The following IL31RA variants were observed in gnomAD, a reference collection of about 807,000 sequenced individuals.
IL31RA encodes interleukin 31 receptor A.
In IL31RA, 66 loss-of-function variants were observed where a neutral mutation model predicts 83.7. That is an observed-to-expected ratio of 0.79 (90% CI 0.65 to 0.97). The LOEUF (loss-of-function observed/expected upper bound fraction) is 0.97. IL31RA is among the 50% of genes least tolerant of loss of function. The pLI is 0.00. For synonymous variants in IL31RA, 325 were observed against 329.0 expected (o/e 0.99, Z 0.13); for missense variants, 798 against 919.4 (o/e 0.87, Z 1.71).
At chr5:55,898,041 CT>C (rs1483603203) in intron 7 of IL31RA, among the ~76,000 whole-genome samples, 1 of 152,214 alleles carries the variant, frequency 6.6e-6, no homozygotes, top group Admixed American at 6.5e-5. Flanking sequence ...GGAGGCGGTG[CT>C]GCCGCCGCAT....
chr5:55,922,260 C>A lies in IL31RA; in HGVS notation c.*5140C>A. On this transcript the variant is annotated 3_prime_UTR_variant, in exon 15 of 15. Coordinates refer to ENST00000652347, the MANE Select transcript of IL31RA (RefSeq NM_139017.7). ...TGCTGCCCAAGACGCTTGTCGTGTGCTGATGAAAAGGGCTGGGGAGAAGCA... is the reference window on the plus strand; with the variant it reads ...TGCTGCCCAAGACGCTTGTCGTGTGATGATGAAAAGGGCTGGGGAGAAGCA... The A allele has an allele frequency of 1.4e-6, 1 of 735,966 alleles. No homozygotes were observed. The allele number at this position is 735,966 out of a possible 1,614,324, so 45.6% of individuals were successfully genotyped here. A position where few individuals can be genotyped will look rare whatever the true frequency, so the allele number is the denominator to read the frequency against.
intron 1 of IL31RA, among the ~76,000 whole-genome samples, chr5:55,854,282 C>T (rs973150186): frequency 1.3e-5 from 2 of 152,188 alleles, no homozygotes; most frequent in Non-Finnish European, 1.5e-5. Context: ...AGTCATCTGA[C>T]AGCTCGCAAT....
intron 2 of IL31RA, among the ~76,000 whole-genome samples, chr5:55,861,167 G>T (rs1745656911): frequency 6.6e-6 from 1 of 152,230 alleles, no homozygotes; most frequent in Non-Finnish European, 1.5e-5. Context: ...GTACTAATTG[G>T]GGTCACCAAG....
chr5:55,875,872 A>G (rs899963986), intron 4 of IL31RA, among the ~76,000 whole-genome samples: 9 of 152,208 alleles, frequency 5.9e-5, no homozygotes, highest in Non-Finnish European at 1.3e-4. Context: ...GAATTATAAA[A>G]TTAAACTCTG....
chr5:55,879,018 A>C (rs912497195), intron 4 of IL31RA, among the ~76,000 whole-genome samples: 9 of 152,056 alleles, frequency 5.9e-5, no homozygotes, highest in African/African-American at 1.9e-4. Flanking sequence ...GATTTTATAT[A>C]ATTTATTGTA....
intron 1 of IL31RA, among the ~76,000 whole-genome samples, chr5:55,854,466 C>G (rs550633266): frequency 6.6e-6 from 1 of 151,924 alleles, no homozygotes; most frequent in African/African-American, 2.4e-5. Context: ...ATATGCAGGC[C>G]GGGCAAAGTG....
rs1414368956 is a variant in IL31RA, at chr5:55,920,177, G to A, written c.*3057G>A. On this transcript the variant is annotated 3_prime_UTR_variant, in exon 15 of 15. Coordinates refer to ENST00000652347, the MANE Select transcript of IL31RA (RefSeq NM_139017.7). ...CTGGAGGAGGCAGGAGATGGGGAGA[G>A]ATGAAAAAGGAGAGGCCCACAGTAT... Among the ~76,000 whole-genome samples the A allele has an allele frequency of 1.3e-5, 2 of 152,216 alleles. No homozygotes were observed. Among genetic ancestry groups the A allele is most frequent in the African/African-American group, 2.4e-5 (1 of 41,468 alleles).
At position 55,908,271 on chromosome 5, in the gene IL31RA, C is replaced by G. The variant is rs745508877; in HGVS notation, c.1361C>G (p.Ser454Ter). Reference sequence around the variant, plus strand: ...ATCCCTCTGTCCTTTCCAGTTCCATCAGAAGGTCCTGAGACCAAGGTGGAG... The same window carrying G: ...ATCCCTCTGTCCTTTCCAGTTCCATGAGAAGGTCCTGAGACCAAGGTGGAG... ...IQAYAKEGVP[S>*]EGPETKVENI... Residue 454 changes from serine to a stop codon, truncating the protein, a stop_gained, in exon 11 of 15, where the codon TCA becomes TGA. Coordinates refer to ENST00000652347, the MANE Select transcript of IL31RA (RefSeq NM_139017.7). LOFTEE classifies it high-confidence loss of function. 1 of 1,614,172 alleles carries G rather than the reference C, an allele frequency of 6.2e-7. No homozygotes were observed. Among genetic ancestry groups the G allele is most frequent in the Non-Finnish European group, 8.5e-7 (1 of 1,180,046 alleles).
At chr5:55,900,456 T>C (rs1002698864) in intron 8 of IL31RA, among the ~76,000 whole-genome samples, 5 of 152,154 alleles carry the variant, frequency 3.3e-5, no homozygotes, top group Admixed American at 6.5e-5. Flanking sequence ...TATGAAACTG[T>C]CCTATTTCTC....
At chr5:55,909,278 C>G (rs1430423639) in intron 11 of IL31RA, 1 of 152,456 alleles carries the variant, frequency 6.6e-6, no homozygotes, top group Non-Finnish European at 1.5e-5. Context: ...TTTTGTTTAT[C>G]CATTCATCAG....
intron 6 of IL31RA, among the ~76,000 whole-genome samples, chr5:55,893,289 T>TAGCC (rs1426959516): frequency 6.6e-6 from 1 of 152,244 alleles, no homozygotes; most frequent in Non-Finnish European, 1.5e-5. Flanking sequence ...TATTGCTGTA[T>TAGCC]CTGATTACAG....
chr5:55,852,599 G>A (rs1745129364), intron 1 of IL31RA, among the ~76,000 whole-genome samples: 1 of 152,220 alleles, frequency 6.6e-6, no homozygotes. Context: ...ATTAAAATGT[G>A]GGGCTGGAAA....
rs538906298 is a variant in IL31RA at position 55,872,542 on chromosome 5, C to T, written c.454+91C>T. 7.9e-5 allele frequency: 67 copies of T among 850,590 alleles called. No individual in the cohort carries two copies. In the South Asian group the frequency reaches 9.1e-4, roughly 12 times the overall value. 52.7% of individuals were successfully genotyped at this position (850,590 alleles called of 1,614,324 possible). A position where few individuals can be genotyped will look rare whatever the true frequency, so the allele number is the denominator to read the frequency against. On this transcript the variant is annotated intron_variant, in intron 4 of 14. Coordinates refer to ENST00000652347, the MANE Select transcript of IL31RA (RefSeq NM_139017.7). Reference sequence around the variant, plus strand: ...GTATCTGTGGACTCAAAAGTAGGCTCATCAAGTTCAAGGATATGTGTTGTG... The same window carrying T: ...GTATCTGTGGACTCAAAAGTAGGCTTATCAAGTTCAAGGATATGTGTTGTG...
At position 55,890,152 on chromosome 5, in the gene IL31RA, G is replaced by A. The variant is rs1295083837; in HGVS notation, c.772+17G>A. On this transcript the variant is annotated intron_variant, in intron 6 of 14. Transcript: ENST00000652347. ...AGGAAGAAGGCAAGCTACTCCCTGC[G>A]ATTCCCGTCCTGTCTGCTCTGGTGT... is the stretch of plus-strand genomic sequence containing the variant. The A allele has an allele frequency of 3.7e-6, 6 of 1,612,712 alleles. No homozygotes were observed. Among genetic ancestry groups the A allele is most frequent in the Non-Finnish European group, 5.1e-6 (6 of 1,179,294 alleles).
intron 2 of IL31RA, among the ~76,000 whole-genome samples, chr5:55,868,328 T>C (rs1004134986): frequency 2.6e-5 from 4 of 152,202 alleles, no homozygotes; most frequent in Admixed American, 6.5e-5. Flanking sequence ...CAGTTGAAGA[T>C]ATTTCATAAA....
At chr5:55,875,251 C>T (rs1177207420) in intron 4 of IL31RA, among the ~76,000 whole-genome samples, 2 of 151,988 alleles carry the variant, frequency 1.3e-5, no homozygotes, top group African/African-American at 2.4e-5. Context: ...TTTTATATGT[C>T]GCTGAATTTG....
upstream of IL31RA, among the ~76,000 whole-genome samples, chr5:55,847,779 C>G (rs1744971274): frequency 6.6e-6 from 1 of 152,062 alleles, no homozygotes; most frequent in Non-Finnish European, 1.5e-5. Flanking sequence ...TTTTCTGTTC[C>G]AGGATCCAAT....
chr5:55,915,494 C>T (rs930012603), intron 14 of IL31RA, among the ~76,000 whole-genome samples: 2 of 152,040 alleles, frequency 1.3e-5, no homozygotes, highest in Admixed American at 1.3e-4. Context: ...AGTGGAAAAC[C>T]GTTAGGGAAA....
intron 2 of IL31RA, among the ~76,000 whole-genome samples, chr5:55,862,685 G>A (rs1381610201): frequency 6.6e-6 from 1 of 152,198 alleles, no homozygotes; most frequent in Non-Finnish European, 1.5e-5. Flanking sequence ...GGGATTACAG[G>A]TGTGAGCCAC....
Sources: gnomAD v4.1 joint callset for allele counts (sites outside exome capture counted in the v4.1 genomes callset) on GRCh38, gnomAD v4.1.1 for gene constraint, MANE v1.5 for transcripts, NCBI Gene and HGNC (gene_info 2026-07-23, HGNC 2026-07-21) for gene names.